Variants in DTNA observed in about 807,000 individuals in gnomAD.
DTNA encodes dystrophin-related protein 3.
Under a neutral mutation model 100.7 loss-of-function variants are expected in DTNA, and 43 were observed. The observed-to-expected ratio is 0.43, with a 90% CI of 0.33 to 0.55. DTNA has a LOEUF of 0.55. Among genes scored for constraint, DTNA ranks in the 20% least tolerant of loss-of-function variants. DTNA has a pLI of 0.04. For synonymous variants in DTNA, 349 were observed against 347.9 expected (o/e 1.00, Z -0.04); for missense variants, 798 against 953.9 (o/e 0.84, Z 2.15).
intron 11 of DTNA, among the ~76,000 whole-genome samples, chr18:34,836,281 T>C (rs1025971371): frequency 6.6e-6 from 1 of 152,200 alleles, no homozygotes; most frequent in Non-Finnish European, 1.5e-5. Flanking sequence ...AAGGAAAACA[T>C]CAATATGCTG....
At chr18:34,508,387 G>A (rs1339593217) in intron 1 of DTNA, among the ~76,000 whole-genome samples, 1 of 152,026 alleles carries the variant, frequency 6.6e-6, no homozygotes, top group Non-Finnish European at 1.5e-5. Flanking sequence ...GGGATTTACT[G>A]TTTACTGTAT....
intron 1 of DTNA, among the ~76,000 whole-genome samples, chr18:34,522,580 T>A (rs1011746421): frequency 1.3e-5 from 2 of 152,220 alleles, no homozygotes; most frequent in African/African-American, 4.8e-5. Flanking sequence ...AAGTTTTGCA[T>A]GTGTTCTATG....
chr18:34,549,730 T>C (rs1415096404), intron 1 of DTNA, among the ~76,000 whole-genome samples: 2 of 152,142 alleles, frequency 1.3e-5, no homozygotes, highest in East Asian at 3.9e-4. Context: ...TTTGTTTCTC[T>C]GAGCATTATT....
chr18:34,844,451 A>C (rs1014649085), intron 13 of DTNA, among the ~76,000 whole-genome samples: 1 of 152,020 alleles, frequency 6.6e-6, no homozygotes, highest in Non-Finnish European at 1.5e-5. Context: ...GAGCTCACTG[A>C]CTTCTAAATG....
At chr18:34,857,572 G>C (rs1426918302) in intron 15 of DTNA, among the ~76,000 whole-genome samples, 2 of 152,134 alleles carry the variant, frequency 1.3e-5, no homozygotes, top group Non-Finnish European at 2.9e-5. Flanking sequence ...ATCAATAGTT[G>C]ACTGACACAT....
At chr18:34,866,283 C>T in intron 17 of DTNA, 1 of 1,542,142 alleles carries the variant, frequency 6.5e-7, no homozygotes, top group Non-Finnish European at 8.8e-7. Context: ...CAATGTAGTG[C>T]TTGAATTGAG....
At chr18:34,870,571 A>G (rs1020018005) in intron 17 of DTNA, among the ~76,000 whole-genome samples, 1 of 152,164 alleles carries the variant, frequency 6.6e-6, no homozygotes, top group Admixed American at 6.5e-5. Context: ...ATTAATTCTA[A>G]GTAAGTAAAT....
intron 19 of DTNA, among the ~76,000 whole-genome samples, chr18:34,878,479 A>G (rs1213180988): frequency 6.6e-6 from 1 of 152,084 alleles, no homozygotes; most frequent in South Asian, 2.1e-4. Context: ...TGTATTATTT[A>G]TCTTTTTTTG....
chr18:34,884,888 A>G, intron 22 of DTNA, 112 bp downstream of exon 22: 1 of 1,278,524 alleles, frequency 7.8e-7, no homozygotes, highest in Non-Finnish European at 1.1e-6. Flanking sequence ...ATGTGATAAA[A>G]TACCCTCCTT....
At chr18:34,499,958 A>G (rs573474735) in intron 1 of DTNA, among the ~76,000 whole-genome samples, 6 of 152,312 alleles carry the variant, frequency 3.9e-5, no homozygotes, top group African/African-American at 7.2e-5. Context: ...ATAGTTTTAC[A>G]TGTAAATAAC....
chr18:34,517,460 C>CT (rs57616989), intron 1 of DTNA, among the ~76,000 whole-genome samples: 3 of 148,884 alleles, frequency 2.0e-5, no homozygotes, highest in African/African-American at 7.5e-5. Context: ...TTTATATACA[C>CT]GTGTGTGTGT....
At chr18:34,677,897 C>T (rs1033478046) in intron 1 of DTNA, among the ~76,000 whole-genome samples, 3 of 152,102 alleles carry the variant, frequency 2.0e-5, no homozygotes, top group African/African-American at 7.2e-5. Context: ...TTAGGTCATT[C>T]TCACTCTACT....
intron 13 of DTNA, among the ~76,000 whole-genome samples, chr18:34,843,978 A>C (rs188266090): frequency 2.2e-4 from 34 of 152,278 alleles, no homozygotes; most frequent in Non-Finnish European, 4.4e-4. Flanking sequence ...ATGAGTTTTC[A>C]TTTCCTGTTA....
intron 1 of DTNA, among the ~76,000 whole-genome samples, chr18:34,581,490 T>C (rs2048628729): frequency 1.3e-5 from 2 of 152,044 alleles, no homozygotes; most frequent in African/African-American, 4.8e-5. Context: ...AAATATGATT[T>C]TGAGACTTTT....
At chr18:34,824,663 T>A (rs1370761595) in intron 9 of DTNA, among the ~76,000 whole-genome samples, 1 of 152,046 alleles carries the variant, frequency 6.6e-6, no homozygotes, top group Non-Finnish European at 1.5e-5. Context: ...AAGAAAATAA[T>A]AAGTGGAAAA....
chr18:34,755,904 C>T (rs2092735687), intron 1 of DTNA, 72 bp from the exon 2 acceptor site: 11 of 1,339,250 alleles, frequency 8.2e-6, no homozygotes, highest in Non-Finnish European at 1.2e-5. Context: ...ACAGCAAGTA[C>T]GTTTACAGAG....
chr18:34,578,761 A>G (rs1451885134), intron 1 of DTNA, among the ~76,000 whole-genome samples: 3 of 152,078 alleles, frequency 2.0e-5, no homozygotes, highest in African/African-American at 4.8e-5. Context: ...TGCTTTGTCA[A>G]CGATCAGTTG....
intron 3 of DTNA, among the ~76,000 whole-genome samples, chr18:34,778,265 C>T (rs1360269963): frequency 3.9e-5 from 6 of 152,040 alleles, no homozygotes; most frequent in African/African-American, 7.2e-5. Flanking sequence ...CAAAAATAAA[C>T]CAAGCCAATT....
In DTNA at chr18:34,860,261, G is replaced by C. The variant is rs1041320095; in HGVS notation, c.1646+1863G>C. Among the ~76,000 whole-genome samples, 4 of 134,976 alleles carry C rather than the reference G, an allele frequency of 3.0e-5. No individual in the cohort carries two copies. In the South Asian group the frequency reaches 9.7e-4, roughly 33 times the overall value. 88.5% of individuals were successfully genotyped at this position (134,976 alleles called of 152,430 possible). A position where few individuals can be genotyped will look rare whatever the true frequency, so the allele number is the denominator to read the frequency against. On this transcript the variant is annotated intron_variant, in intron 16 of 22. Coordinates refer to ENST00000444659, the MANE Select transcript of DTNA (RefSeq NM_001386795.1). Reference sequence around the variant, plus strand: ...TTTTTTTTTTTTTTGGAGAGACGGGGTTTCACCATCTTGGCCAGGCTAGTC... The same window carrying C: ...TTTTTTTTTTTTTTGGAGAGACGGGCTTTCACCATCTTGGCCAGGCTAGTC...
Sources: gnomAD v4.1 joint callset for allele counts (sites outside exome capture counted in the v4.1 genomes callset) on GRCh38, gnomAD v4.1.1 for gene constraint, MANE v1.5 for transcripts, NCBI Gene and HGNC (gene_info 2026-07-23, HGNC 2026-07-21) for gene names.